SPAG16: variants seen among roughly 807,000 people sequenced by gnomAD.
The protein encoded by SPAG16 is sperm-associated antigen 16 protein.
SPAG16 carries 86 observed loss-of-function variants against 80.4 expected under a neutral mutation model. That is an observed-to-expected ratio of 1.07 (90% confidence interval 0.90 to 1.28). The LOEUF (loss-of-function observed/expected upper bound fraction) is 1.28. SPAG16 is among the 50% of genes most tolerant of loss of function. The pLI, the probability that SPAG16 is intolerant of heterozygous loss-of-function variation, is 0.00. For missense variants in SPAG16, 870 were observed against 765.3 expected (o/e 1.14, Z -1.61); for synonymous variants, 294 against 265.9 (o/e 1.11, Z -1.03).
At chr2:214,290,282 G>T (rs1576691338) in intron 15 of SPAG16, among the ~76,000 whole-genome samples, 1 of 151,846 alleles carries the variant, frequency 6.6e-6, no homozygotes, top group African/African-American at 2.4e-5. Context: ...TTCTGATTTT[G>T]TTTATTTGGG....
intron 7 of SPAG16, among the ~76,000 whole-genome samples, chr2:213,358,663 T>C (rs1020093261): frequency 2.9e-4 from 44 of 152,198 alleles, no homozygotes; most frequent in Admixed American, 6.5e-4. Flanking sequence ...TCATCTAACC[T>C]TTTTTCAAGG....
chr2:214,257,613 C>T (rs1219287751), intron 15 of SPAG16, among the ~76,000 whole-genome samples: 1 of 151,928 alleles, frequency 6.6e-6, no homozygotes, highest in Non-Finnish European at 1.5e-5. Flanking sequence ...CTTATTTATT[C>T]TCTTAATATG....
chr2:213,489,142 A>G (rs917290566), intron 9 of SPAG16, among the ~76,000 whole-genome samples: 1 of 152,100 alleles, frequency 6.6e-6, no homozygotes, highest in African/African-American at 2.4e-5. Flanking sequence ...TAATTTTTGA[A>G]TAAGTAAATG....
intron 10 of SPAG16, among the ~76,000 whole-genome samples, chr2:213,802,381 C>T (rs72937229): frequency 4.0e-4 from 60 of 149,700 alleles, no homozygotes; most frequent in Non-Finnish European, 7.4e-4. Flanking sequence ...ACTTAAAACC[C>T]AAATGATTCA....
chr2:213,447,243 G>A (rs192449316), intron 9 of SPAG16, among the ~76,000 whole-genome samples: 2 of 152,278 alleles, frequency 1.3e-5, no homozygotes, highest in African/African-American at 2.4e-5. Context: ...ACTTTGCATA[G>A]GAGGTTCAGC....
At chr2:213,749,752 TCTC>T (rs901309926) in intron 10 of SPAG16, among the ~76,000 whole-genome samples, 96 of 152,360 alleles carry the variant, frequency 6.3e-4, no homozygotes, top group African/African-American at 2.3e-3. Context: ...TTTATTTTGT[TCTC>T]CTTCTTTCCT....
intron 15 of SPAG16, among the ~76,000 whole-genome samples, chr2:214,163,538 A>ATGTG (rs147445137): frequency 1.0e-4 from 15 of 148,606 alleles, no homozygotes; most frequent in Non-Finnish European, 1.8e-4. Context: ...GTATGTATAT[A>ATGTG]TGTGTGTGTG....
chr2:213,945,773 T>C (rs1289275641), intron 12 of SPAG16, among the ~76,000 whole-genome samples: 1 of 152,132 alleles, frequency 6.6e-6, no homozygotes, highest in Non-Finnish European at 1.5e-5. Flanking sequence ...CACCAAACAT[T>C]AGATCTGACG....
chr2:213,291,240 AGTGT>A (rs1253432516), intron 1 of SPAG16, among the ~76,000 whole-genome samples: 1 of 152,128 alleles, frequency 6.6e-6, no homozygotes, highest in Admixed American at 6.5e-5. Context: ...CATTTTGTAT[AGTGT>A]GTGTATTTGC....
chr2:214,012,288 A>ATATATATATATATATATATATTTTT (rs1553694500), intron 12 of SPAG16, among the ~76,000 whole-genome samples: 1 of 46,820 alleles, frequency 2.1e-5, no homozygotes, highest in African/African-American at 1.2e-4. Context: ...ATATATATAT[A>ATATATATATATATATATATATTTTT]TTTTTTTTTT....
chr2:213,455,544 CTT>C (rs1425818015), intron 9 of SPAG16, among the ~76,000 whole-genome samples: 1 of 152,154 alleles, frequency 6.6e-6, no homozygotes, highest in African/African-American at 2.4e-5. Flanking sequence ...AGTCCCCAGA[CTT>C]TTCGGCACCA....
At chr2:213,882,825 C>T (rs1479776247) in intron 11 of SPAG16, among the ~76,000 whole-genome samples, 1 of 151,444 alleles carries the variant, frequency 6.6e-6, no homozygotes, top group African/African-American at 2.4e-5. Flanking sequence ...TGTTTCTTTT[C>T]TTCTGCTAGC....
intron 15 of SPAG16, among the ~76,000 whole-genome samples, chr2:214,405,214 C>A (rs1341709929): frequency 1.3e-5 from 2 of 151,980 alleles, no homozygotes; most frequent in Non-Finnish European, 1.5e-5. Flanking sequence ...CCTTGAACTC[C>A]TGGACTCCAG....
At chr2:213,752,003 A>T (rs1279352991) in intron 10 of SPAG16, among the ~76,000 whole-genome samples, 6 of 152,232 alleles carry the variant, frequency 3.9e-5, no homozygotes. Context: ...AGTAAAGGTG[A>T]TACCTATAAT....
At chr2:213,477,346 C>G (rs745536743) in intron 9 of SPAG16, among the ~76,000 whole-genome samples, 1 of 152,200 alleles carries the variant, frequency 6.6e-6, no homozygotes, top group Non-Finnish European at 1.5e-5. Context: ...ATCCTCCAGA[C>G]CTCAGAATGG....
At chr2:213,677,159 A>C (rs1170174970) in intron 10 of SPAG16, among the ~76,000 whole-genome samples, 2 of 152,184 alleles carry the variant, frequency 1.3e-5, no homozygotes, top group Non-Finnish European at 2.9e-5. Flanking sequence ...GCCGCTGTAA[A>C]ATCATGCCAA....
chr2:214,110,576 G>A (rs1004154487), intron 14 of SPAG16, among the ~76,000 whole-genome samples: 38 of 152,142 alleles, frequency 2.5e-4, no homozygotes, highest in Non-Finnish European at 4.7e-4. Flanking sequence ...TTGCTATTGT[G>A]AATAGTGCTG....
At chr2:214,130,345 A>G (rs1253511186) in intron 14 of SPAG16, among the ~76,000 whole-genome samples, 1 of 152,202 alleles carries the variant, frequency 6.6e-6, no homozygotes, top group Non-Finnish European at 1.5e-5. Context: ...TTCTGAGAAC[A>G]CAGCTCCCTC....
At chr2:213,616,216 G>T (rs777959852) in intron 10 of SPAG16, among the ~76,000 whole-genome samples, 3 of 152,202 alleles carry the variant, frequency 2.0e-5, no homozygotes, top group Non-Finnish European at 4.4e-5. Flanking sequence ...GATAACAATG[G>T]AAGATGTGAA....
Sources: allele counts gnomAD v4.1 joint callset (sites outside exome capture counted in the v4.1 genomes callset), GRCh38; gene constraint gnomAD v4.1.1; transcripts MANE v1.5; gene names NCBI Gene and HGNC (gene_info 2026-07-23, HGNC 2026-07-21).